Variants in PLEKHA6 observed in about 807,000 individuals in gnomAD.
PLEKHA6 encodes pleckstrin homology domain containing A6.
In PLEKHA6, 60 loss-of-function variants were observed where a neutral mutation model predicts 116.7. The observed-to-expected ratio is 0.51, with a 90% CI of 0.42 to 0.64. The LOEUF is 0.64. PLEKHA6 is among the 30% of genes least tolerant of loss of function. PLEKHA6 has a pLI of 0.00. For synonymous variants in PLEKHA6, 489 were observed against 556.1 expected, an observed-to-expected ratio of 0.88 and a Z score of 1.70; for missense variants, 1,338 against 1,422.7, an observed-to-expected ratio of 0.94 and a Z score of 0.96.
chr1:204,313,045 T>C, intron 1 of PLEKHA6, among the ~76,000 whole-genome samples: 1 of 116,014 alleles, frequency 8.6e-6, no homozygotes. Flanking sequence ...TTTCCCTCCC[T>C]CTGTCCCTCC....
chr1:204,295,510 CAA>C (rs887220123), intron 1 of PLEKHA6, among the ~76,000 whole-genome samples: 1 of 144,896 alleles, frequency 6.9e-6, no homozygotes, highest in East Asian at 2.0e-4. Context: ...AAACAAACAA[CAA>C]AAAAAAAATT....
intron 1 of PLEKHA6, among the ~76,000 whole-genome samples, chr1:204,347,539 G>T (rs564481433): frequency 1.1e-4 from 16 of 151,396 alleles, no homozygotes; most frequent in African/African-American, 3.4e-4. Context: ...ACAGGATTAA[G>T]AGATTAAAGT....
intron 1 of PLEKHA6, among the ~76,000 whole-genome samples, chr1:204,293,521 A>G (rs1413391826): frequency 1.3e-5 from 2 of 152,166 alleles, no homozygotes; most frequent in African/African-American, 4.8e-5. Context: ...ATTTCAAATA[A>G]AGACAGGACC....
chr1:204,328,045 AT>A (rs1464049950), intron 1 of PLEKHA6, among the ~76,000 whole-genome samples: 327 of 125,702 alleles, frequency 2.6e-3, no homozygotes, highest in African/African-American at 9.9e-3. Flanking sequence ...GCTTTTATTT[AT>A]TTTATTTATT....
At chr1:204,331,199 CA>C (rs5780231) in intron 1 of PLEKHA6, among the ~76,000 whole-genome samples, 24,630 of 75,824 alleles carry the variant, frequency 0.32, 1,733 homozygotes, top group Non-Finnish European at 0.37. Flanking sequence ...GACTCTGTCT[CA>C]AAAAAAAAAA....
At chr1:204,377,760 T>A (rs1231882153), upstream of PLEKHA6, 1 of 146,510 alleles carries the variant, frequency 6.8e-6, no homozygotes, top group East Asian at 2.0e-4. Context: ...GCTGCCCCCT[T>A]CCAGAGGCCG....
intron 2 of PLEKHA6, among the ~76,000 whole-genome samples, chr1:204,370,945 T>C (rs1022071066): frequency 2.0e-5 from 3 of 151,702 alleles, no homozygotes; most frequent in Non-Finnish European, 4.4e-5. Flanking sequence ...TCCCAGCTAT[T>C]TGGGAGGCTG....
At chr1:204,376,378 ATG>A (rs1275188411) in intron 1 of PLEKHA6, among the ~76,000 whole-genome samples, 1 of 152,208 alleles carries the variant, frequency 6.6e-6, no homozygotes, top group Non-Finnish European at 1.5e-5. Flanking sequence ...ATAAACTCTA[ATG>A]TCTCTAGCCA....
At chr1:204,309,841 T>C (rs929703385) in intron 1 of PLEKHA6, 8 of 262,926 alleles carry the variant, frequency 3.0e-5, no homozygotes, top group Non-Finnish European at 4.1e-5. Context: ...TATTTTTAGC[T>C]TTGTAGGCCA....
intron 1 of PLEKHA6, chr1:204,275,670 G>C (rs1337896996): frequency 2.0e-6 from 2 of 983,270 alleles, no homozygotes; most frequent in Non-Finnish European, 2.4e-6. Flanking sequence ...GGGAGATGGG[G>C]AGGAAGGCAG....
At position 204,268,283 on chromosome 1, in the gene PLEKHA6, G is replaced by A; in HGVS notation, c.132C>T (p.Ala44=). 2 of 1,612,356 alleles carry A rather than the reference G, an allele frequency of 1.2e-6. No homozygotes were observed. The highest frequency in any genetic ancestry group is 1.7e-6 in the Non-Finnish European group (2 of 1,179,276). The change falls in exon 4 of 23, where the codon GCC becomes GCT. Residue 44 remains alanine (A), a synonymous_variant. Transcript: ENST00000272203. ...RATRTARKAV[A]FGKRSHSMKR... ...TCATGGAGTGTGAGCGCTTGCCAAA[G>A]GCGACGGCTTTGCGGGCTGTGCGAG...
intron 1 of PLEKHA6, chr1:204,309,816 A>G (rs1188738690): frequency 2.6e-6 from 1 of 380,396 alleles, no homozygotes; most frequent in Non-Finnish European, 3.6e-6. Flanking sequence ...CTTTTTATGT[A>G]AAGGGTTAGA....
At chr1:204,245,500 G>A (rs1212687999) in intron 14 of PLEKHA6, 115 bp downstream of exon 14, 2 of 669,254 alleles carry the variant, frequency 3.0e-6, no homozygotes, top group African/African-American at 3.6e-5. Flanking sequence ...TCCCAAGAAG[G>A]CCCTGCCTGG....
intron 1 of PLEKHA6, among the ~76,000 whole-genome samples, chr1:204,341,046 GTGCC>G (rs1218573936): frequency 6.6e-6 from 1 of 152,204 alleles, no homozygotes; most frequent in Admixed American, 6.5e-5. Context: ...AGCACACCCG[GTGCC>G]TGGCCACGGT....
At chr1:204,308,367 A>G (rs1164933831) in intron 1 of PLEKHA6, among the ~76,000 whole-genome samples, 3 of 152,204 alleles carry the variant, frequency 2.0e-5, no homozygotes, top group Non-Finnish European at 4.4e-5. Context: ...CTATGATCCT[A>G]TGATCATGCC....
At chr1:204,249,882 C>A (rs1664302230) in intron 10 of PLEKHA6, among the ~76,000 whole-genome samples, 1 of 152,160 alleles carries the variant, frequency 6.6e-6, no homozygotes, top group African/African-American at 2.4e-5. Flanking sequence ...TAGTCCGCAC[C>A]TTTATTCATG....
At chr1:204,251,143 C>A (rs186224050) in intron 9 of PLEKHA6, among the ~76,000 whole-genome samples, 1 of 152,234 alleles carries the variant, frequency 6.6e-6, no homozygotes, top group Non-Finnish European at 1.5e-5. Context: ...GACGCCACAT[C>A]TGGTGACCAC....
Position 204,228,930 on chromosome 1 carries a change from C to T in PLEKHA6, c.2751+7G>A. ...CTCCCACTACAGCCCTTCCTGGCTC[C>T]ACTCACCTCCTTATTGATGTCCACG... On this transcript the variant is annotated splice_region_variant and intron_variant, in intron 19 of 22. Coordinates refer to ENST00000272203, the MANE Select transcript of PLEKHA6 (RefSeq NM_014935.5). The surrounding 1 kb of genome is among the most constrained non-coding windows in gnomAD (Gnocchi z 4.0). 1 of 1,614,122 alleles carries T rather than the reference C, an allele frequency of 6.2e-7. No individual in the cohort carries two copies. Among genetic ancestry groups the T allele is most frequent in the Non-Finnish European group, 8.5e-7 (1 of 1,179,990 alleles).
At chr1:204,262,941 G>A (rs1365463720) in intron 6 of PLEKHA6, among the ~76,000 whole-genome samples, 2 of 152,118 alleles carry the variant, frequency 1.3e-5, no homozygotes, top group African/African-American at 4.8e-5. Flanking sequence ...TTATTGTAGA[G>A]CGGAGACACA....
Sources: gnomAD v4.1 joint callset for allele counts (sites outside exome capture counted in the v4.1 genomes callset) on GRCh38, gnomAD v4.1.1 for gene constraint, Gnocchi (gnomAD v3.1) non-coding constraint, MANE v1.5 for transcripts, NCBI Gene and HGNC (gene_info 2026-07-23, HGNC 2026-07-21) for gene names.